The following GALNT13 variants were observed in gnomAD, a reference collection of about 807,000 sequenced individuals.
GALNT13 encodes the protein polypeptide N-acetylgalactosaminyltransferase 13.
GALNT13 carries 28 observed loss-of-function variants against 64.2 expected under a neutral mutation model. The ratio of observed to expected loss-of-function variants is 0.44; its 90% CI spans 0.32 to 0.60. The LOEUF is 0.60. Among genes scored for constraint, GALNT13 ranks in the 20% least tolerant of loss-of-function variants. The probability of loss-of-function intolerance (pLI) is 0.05; values close to 1 mark genes in which losing one functional copy is unlikely to be tolerated. For synonymous variants in GALNT13, 214 were observed against 224.6 expected (o/e 0.95, Z 0.42); for missense variants, 577 against 669.8 (o/e 0.86, Z 1.53).
At chr2:154,338,914 T>A (rs1695604523) in intron 9 of GALNT13, among the ~76,000 whole-genome samples, 1 of 152,092 alleles carries the variant, frequency 6.6e-6, no homozygotes, top group South Asian at 2.1e-4. Context: ...ATACCTCAAA[T>A]TATCAGAACA....
chr2:154,440,112 A>G (rs187643405), intron 12 of GALNT13, among the ~76,000 whole-genome samples: 2 of 152,288 alleles, frequency 1.3e-5, no homozygotes, highest in African/African-American at 2.4e-5. Flanking sequence ...TGTAAGTGAT[A>G]TTTGTTTTTA....
chr2:153,970,986 G>C (rs1286474037), intron 3 of GALNT13, among the ~76,000 whole-genome samples: 1 of 152,124 alleles, frequency 6.6e-6, no homozygotes, highest in Non-Finnish European at 1.5e-5. Flanking sequence ...CTCAAGTTCT[G>C]TGCCTTGAGC....
the GALNT13 span, among the ~76,000 whole-genome samples, chr2:153,792,970 CTTTTTTT>C: frequency 7.6e-6 from 1 of 132,260 alleles, no homozygotes; most frequent in Non-Finnish European, 1.6e-5. Context: ...TTCTTTCTTT[CTTTTTTT>C]TTTTTTTTTT....
chr2:153,128,818 T>C, the GALNT13 span, among the ~76,000 whole-genome samples: 14 of 152,198 alleles, frequency 9.2e-5, no homozygotes, highest in South Asian at 2.9e-3. Context: ...GAGGAACTCT[T>C]ACATGGATGG....
the GALNT13 span, among the ~76,000 whole-genome samples, chr2:153,307,232 G>T: frequency 6.6e-6 from 1 of 152,106 alleles, no homozygotes; most frequent in East Asian, 1.9e-4. Context: ...CATCACAGAG[G>T]TCTTTAAAGG....
intron 12 of GALNT13, chr2:154,446,777 A>C: frequency 6.8e-7 from 1 of 1,475,748 alleles, no homozygotes; most frequent in African/African-American, 1.4e-5. Context: ...TTTGTGTTGC[A>C]GATTTTATTA....
At chr2:153,282,773 T>G in the GALNT13 span, among the ~76,000 whole-genome samples, 1 of 152,344 alleles carries the variant, frequency 6.6e-6, no homozygotes, top group East Asian at 1.9e-4. Flanking sequence ...CTGGAGACAC[T>G]GGAACTTCTA....
At chr2:153,795,243 A>T in the GALNT13 span, among the ~76,000 whole-genome samples, 2 of 152,236 alleles carry the variant, frequency 1.3e-5, no homozygotes, top group Non-Finnish European at 2.9e-5. Flanking sequence ...CATTATTTAA[A>T]GCATTTAGTT....
the GALNT13 span, among the ~76,000 whole-genome samples, chr2:153,482,796 G>A: frequency 6.8e-6 from 1 of 146,778 alleles, no homozygotes; most frequent in African/African-American, 2.5e-5. Flanking sequence ...AATCCTCTAT[G>A]TACCTCATTT....
chr2:154,096,069 A>C (rs1188542541), intron 3 of GALNT13, among the ~76,000 whole-genome samples: 2 of 152,032 alleles, frequency 1.3e-5, no homozygotes, highest in Admixed American at 6.6e-5. Flanking sequence ...ATGTATAATA[A>C]GGATGAATAT....
At chr2:153,685,166 T>C in the GALNT13 span, among the ~76,000 whole-genome samples, 2 of 152,020 alleles carry the variant, frequency 1.3e-5, no homozygotes, top group Non-Finnish European at 2.9e-5. Context: ...CCTTTGGGTA[T>C]ATACCCAGTG....
the GALNT13 span, among the ~76,000 whole-genome samples, chr2:153,195,311 G>A: frequency 6.6e-6 from 1 of 152,142 alleles, no homozygotes; most frequent in Non-Finnish European, 1.5e-5. Flanking sequence ...CTGGCAGGCT[G>A]TGCTCAGCTC....
the GALNT13 span, among the ~76,000 whole-genome samples, chr2:153,568,661 A>G: frequency 6.6e-6 from 1 of 152,218 alleles, no homozygotes; most frequent in African/African-American, 2.4e-5. Flanking sequence ...AACAGTGCAA[A>G]TATCACAAGT....
chr2:153,808,719 A>G, the GALNT13 span, among the ~76,000 whole-genome samples: 3 of 152,252 alleles, frequency 2.0e-5, no homozygotes, highest in Admixed American at 6.5e-5. Context: ...GAAACATCCA[A>G]TGCTTTGACC....
chr2:154,410,277 A>C (rs1211831225), intron 11 of GALNT13, among the ~76,000 whole-genome samples: 3 of 151,986 alleles, frequency 2.0e-5, no homozygotes, highest in African/African-American at 7.2e-5. Context: ...AAACAACAAA[A>C]TGCTTAACTA....
chr2:154,397,589 T>C (rs1328224725), intron 10 of GALNT13, among the ~76,000 whole-genome samples: 1 of 152,206 alleles, frequency 6.6e-6, no homozygotes, highest in African/African-American at 2.4e-5. Flanking sequence ...GTCATCTGCC[T>C]TAATGCTCTG....
At chr2:153,868,114 G>A (rs1685796201), upstream of GALNT13, among the ~76,000 whole-genome samples, 1 of 152,116 alleles carries the variant, frequency 6.6e-6, no homozygotes. Flanking sequence ...CTTCTCACTG[G>A]TAGGCACTGG....
intron 4 of GALNT13, among the ~76,000 whole-genome samples, chr2:154,229,042 G>A: frequency 6.6e-6 from 1 of 151,720 alleles, no homozygotes; most frequent in East Asian, 1.9e-4. Context: ...GTATACCCGG[G>A]GCAAGCCTCT....
At chr2:153,491,376 T>G in the GALNT13 span, among the ~76,000 whole-genome samples, 1 of 152,058 alleles carries the variant, frequency 6.6e-6, no homozygotes, top group African/African-American at 2.4e-5. Context: ...GATAAAATAC[T>G]TAATAGTAAA....
Sources: allele counts gnomAD v4.1 joint callset (sites outside exome capture counted in the v4.1 genomes callset), GRCh38; gene constraint gnomAD v4.1.1; transcripts MANE v1.5; gene names NCBI Gene and HGNC (gene_info 2026-07-23, HGNC 2026-07-21).